Variants in FER1L6 observed in about 807,000 individuals in gnomAD.
FER1L6 encodes fer-1-like protein 6.
A neutral mutation model predicts 219.2 loss-of-function variants in FER1L6; 177 were observed. That is an observed-to-expected ratio of 0.81 (90% CI 0.71 to 0.91). The LOEUF (loss-of-function observed/expected upper bound fraction) is 0.91. Among genes scored for constraint, FER1L6 ranks in the 40% least tolerant of loss-of-function variants. FER1L6 has a pLI of 0.00. For missense variants in FER1L6, 2,153 were observed against 2,259.9 expected (o/e 0.95, Z 0.96); for synonymous variants, 768 against 824.3 (o/e 0.93, Z 1.17).
chr8:124,015,607 A>ATATATATATGTATATATG (rs71289634), intron 15 of FER1L6, among the ~76,000 whole-genome samples: 1 of 88,606 alleles, frequency 1.1e-5, no homozygotes, highest in African/African-American at 4.3e-5. Context: ...ATATATATAT[A>ATATATATATGTATATATG]TATATATATT....
In FER1L6 at chr8:124,118,851, T is replaced by TTGAA; in HGVS notation, c.5298_5301dup (p.Ala1768Ter). ...TTTTGCATCTTTTTGCAGGGCAAGGTTGAAGCTGAGTTCCACCTAGTTACA... is the reference window on the plus strand; with the variant it reads ...TTTTGCATCTTTTTGCAGGGCAAGGTTGAATGAAGCTGAGTTCCACCTAGTTACA... On this transcript the variant is annotated frameshift_variant, in exon 40 of 41. Transcript: ENST00000522917. LOFTEE classifies it high-confidence loss of function. 2 of 1,613,890 alleles carry TTGAA rather than the reference T, an allele frequency of 1.2e-6. No individual in the cohort carries two copies. Among genetic ancestry groups the TTGAA allele is most frequent in the South Asian group, 2.2e-5 (2 of 91,078 alleles).
intron 33 of FER1L6, among the ~76,000 whole-genome samples, chr8:124,090,312 A>G (rs182024181): frequency 5.6e-4 from 85 of 152,296 alleles, no homozygotes; most frequent in African/African-American, 1.9e-3. Flanking sequence ...TAGCTTTCCA[A>G]GTGCCTGAGA....
intron 39 of FER1L6, among the ~76,000 whole-genome samples, chr8:124,104,466 T>C (rs1003040204): frequency 4.6e-5 from 7 of 151,828 alleles, no homozygotes; most frequent in Non-Finnish European, 8.8e-5. Context: ...CCTGATGGAG[T>C]TGAGGGTTCA....
intron 34 of FER1L6, among the ~76,000 whole-genome samples, chr8:124,094,427 T>G (rs1649292096): frequency 6.6e-6 from 1 of 152,056 alleles, no homozygotes; most frequent in Admixed American, 6.6e-5. Context: ...TCTCTCCACC[T>G]CTTTCCATCC....
chr8:123,905,909 T>G (rs934406519), intron 1 of FER1L6, among the ~76,000 whole-genome samples: 2 of 152,220 alleles, frequency 1.3e-5, no homozygotes, highest in African/African-American at 4.8e-5. Flanking sequence ...AAAAAATTCC[T>G]ACTTACATAA....
Position 123,853,717 on chromosome 8 carries a change from G to A in FER1L6, c.-8+1532G>A, listed in dbSNP as rs1423021730. Among the ~76,000 whole-genome samples the A allele has an allele frequency of 6.6e-6, 1 of 152,208 alleles. No homozygotes were observed. Among genetic ancestry groups the A allele is most frequent in the Non-Finnish European group, 1.5e-5 (1 of 68,038 alleles). ...ATGCAGGTGACATGCTCATGGCTAT[G>A]ATGAAGACCTGGAGGAGGAAAAGGC... On this transcript the variant is annotated intron_variant, in intron 1 of 40. Transcript: ENST00000522917. The surrounding 1 kb of genome is among the most constrained non-coding windows in gnomAD (Gnocchi z 6.6).
chr8:124,067,759 T>C lies in FER1L6; in HGVS notation c.3679-8T>C. 1 of 1,610,864 alleles carries C rather than the reference T, an allele frequency of 6.2e-7. No individual in the cohort carries two copies. On this transcript the variant is annotated splice_polypyrimidine_tract_variant and splice_region_variant and intron_variant, in intron 27 of 40. Transcript: ENST00000522917. ...GTGGTGTCAATAATATTGTCTCCTT[T>C]TTCAAAGGCAAAGGAGAGAAATCCC... is the stretch of plus-strand genomic sequence containing the variant.
chr8:124,089,635 A>G (rs1821937502), intron 33 of FER1L6, among the ~76,000 whole-genome samples: 1 of 152,252 alleles, frequency 6.6e-6, no homozygotes, highest in Admixed American at 6.5e-5. Context: ...GATAGCTTTA[A>G]GAGTATGGCA....
rs1563811753 is a variant in FER1L6 at position 124,119,687 on chromosome 8, ACAT to A, written c.5478_5480del (p.Ile1827del). The A allele has an allele frequency of 1.2e-6, 2 of 1,612,980 alleles. No individual in the cohort carries two copies. The highest frequency in any genetic ancestry group is 4.5e-5 in the East Asian group (2 of 44,868). ...CTCATCTGGAAGAATTACAAAAAGT[ACAT>A]CATCATTGCTTTCATTCTCATCATC... On this transcript the variant is annotated inframe_deletion, in exon 41 of 41. Transcript: ENST00000522917.
intron 37 of FER1L6, 72 bp downstream of exon 37, chr8:124,097,955 T>A (rs1017734843): frequency 3.7e-5 from 31 of 829,562 alleles, no homozygotes; most frequent in Non-Finnish European, 5.6e-5. Context: ...ACTAAATCTA[T>A]GCCTCATGGA....
At chr8:124,001,987 G>A (rs1031250962) in intron 12 of FER1L6, among the ~76,000 whole-genome samples, 4 of 152,162 alleles carry the variant, frequency 2.6e-5, no homozygotes, top group Admixed American at 6.5e-5. Flanking sequence ...AGTGGGTGAC[G>A]GAGCATAGGG....
At chr8:124,083,257 A>AT (rs1306366338) in intron 33 of FER1L6, among the ~76,000 whole-genome samples, 14 of 152,236 alleles carry the variant, frequency 9.2e-5, no homozygotes, top group African/African-American at 3.4e-4. Context: ...CTATCTAACT[A>AT]TATTTTTGTA....
intron 25 of FER1L6, 125 bp from the exon 26 acceptor site, chr8:124,064,222 G>A: frequency 1.2e-6 from 1 of 800,486 alleles, no homozygotes; most frequent in Non-Finnish European, 2.1e-6. Context: ...AAGAAAATGA[G>A]GTTCAGAAAT....
At chr8:124,099,277 C>T (rs114520108) in intron 37 of FER1L6, among the ~76,000 whole-genome samples, 2,130 of 152,258 alleles carry the variant, frequency 0.014, 46 homozygotes, top group African/African-American at 0.049. Flanking sequence ...CTCCTGTTCC[C>T]GATGTGTAGA....
intron 39 of FER1L6, among the ~76,000 whole-genome samples, chr8:124,115,341 G>C (rs553023217): frequency 6.6e-6 from 1 of 151,986 alleles, no homozygotes; most frequent in East Asian, 1.9e-4. Context: ...TGTGAAGAAC[G>C]ATACCCAGAG....
Position 123,903,282 on chromosome 8 carries a change from A to G in FER1L6, c.-8+51097A>G, listed in dbSNP as rs771517558. ...CTTTGGAAACAAAAGACATCATTCT[A>G]TTTACAACATTCTGTTTTTAGTAGT... On this transcript the variant is annotated intron_variant, in intron 1 of 40. Transcript: ENST00000522917. Among the ~76,000 whole-genome samples, 26 of 152,176 alleles carry G rather than the reference A, an allele frequency of 1.7e-4. 1 individual carries two copies. The highest frequency in any genetic ancestry group is 3.4e-4 in the Non-Finnish European group (23 of 68,026).
At chr8:124,088,866 T>C (rs1174755419) in intron 33 of FER1L6, among the ~76,000 whole-genome samples, 1 of 151,928 alleles carries the variant, frequency 6.6e-6, no homozygotes, top group Non-Finnish European at 1.5e-5. Context: ...TGAGCTGGTA[T>C]TCAAGGTGCA....
At chr8:123,964,376 A>C (rs1206442230) in intron 3 of FER1L6, among the ~76,000 whole-genome samples, 1 of 152,112 alleles carries the variant, frequency 6.6e-6, no homozygotes, top group Non-Finnish European at 1.5e-5. Context: ...GTGCTTCCCC[A>C]CTTGGCTGAT....
intron 12 of FER1L6, among the ~76,000 whole-genome samples, chr8:123,991,568 T>C (rs1380383696): frequency 6.6e-6 from 1 of 152,234 alleles, no homozygotes; most frequent in African/African-American, 2.4e-5. Context: ...ACCTGAGATT[T>C]TGATGAATTT....
Sources: allele counts gnomAD v4.1 joint callset (sites outside exome capture counted in the v4.1 genomes callset), GRCh38; gene constraint gnomAD v4.1.1; non-coding constraint Gnocchi (gnomAD v3.1); transcripts MANE v1.5; gene names NCBI Gene and HGNC (gene_info 2026-07-23, HGNC 2026-07-21).